Variants in BABAM2 observed in about 807,000 individuals in gnomAD.
BABAM2 encodes BRISC and BRCA1-A complex member 2.
A neutral mutation model predicts 54.7 loss-of-function variants in BABAM2; 31 were observed. That is an observed-to-expected ratio of 0.57 (90% CI 0.43 to 0.77). The LOEUF (loss-of-function observed/expected upper bound fraction) is 0.77, where lower values mean the gene tolerates loss of function less well. Ranked by LOEUF, BABAM2 falls within the 30% of genes least tolerant of loss-of-function variation. BABAM2 has a pLI of 0.00. For synonymous variants in BABAM2, 167 were observed against 162.9 expected, an observed-to-expected ratio of 1.03 and a Z score of -0.19; for missense variants, 364 against 455.8, an observed-to-expected ratio of 0.80 and a Z score of 1.83.
At position 28,097,985 on chromosome 2, in the gene BABAM2, C is replaced by T. The variant is rs1666767244; in HGVS notation, c.571-31286C>T. The stretch of plus-strand genomic sequence containing the variant: ...CATATCTTCTTTTAAAATAATTCTT[C>T]TTTTGTAACATTTTAAAATTTCGTA... On this transcript the variant is annotated intron_variant, in intron 6 of 11. Transcript: ENST00000379624. Among the ~76,000 whole-genome samples the T allele has an allele frequency of 3.3e-5, 5 of 152,210 alleles. No homozygotes were observed. In the South Asian group the frequency reaches 1.0e-3, roughly 32 times the overall value.
intron 2 of BABAM2, among the ~76,000 whole-genome samples, chr2:27,912,063 C>A (rs1386698701): frequency 2.0e-5 from 3 of 152,132 alleles, no homozygotes; most frequent in Non-Finnish European, 4.4e-5. Flanking sequence ...TTAGGAGATA[C>A]AAACATTGAA....
At chr2:28,197,062 G>C (rs1677668169) in intron 7 of BABAM2, among the ~76,000 whole-genome samples, 1 of 151,658 alleles carries the variant, frequency 6.6e-6, no homozygotes, top group East Asian at 1.9e-4. Flanking sequence ...TGTATGCCCA[G>C]GCTGGTCTCA....
intron 6 of BABAM2, among the ~76,000 whole-genome samples, chr2:28,121,462 A>G (rs1201004347): frequency 2.0e-5 from 3 of 152,146 alleles, no homozygotes; most frequent in Admixed American, 1.3e-4. Flanking sequence ...CATTCCTACC[A>G]TATTCCTACC....
intron 3 of BABAM2, among the ~76,000 whole-genome samples, chr2:27,955,720 T>C (rs919214474): frequency 1.3e-5 from 2 of 152,222 alleles, no homozygotes; most frequent in Non-Finnish European, 2.9e-5. Flanking sequence ...TCCCTTAACA[T>C]TGAGATTTTT....
In BABAM2 at chr2:28,026,959, A is replaced by AATATATATATATATAAAT. The variant is rs374899033; in HGVS notation, c.495+1550_495+1551insTATAAATATATATATATA. 2.3e-3 allele frequency among the ~76,000 whole-genome samples: 21 copies of AATATATATATATATAAAT among 9,302 alleles called. 1 individual carries two copies. Among genetic ancestry groups the AATATATATATATATAAAT allele is most frequent in the African/African-American group, 3.4e-3 (20 of 5,882 alleles). The allele number at this position is 9,302 out of a possible 152,430, so 6.1% of individuals were successfully genotyped here. A position where few individuals can be genotyped will look rare whatever the true frequency, so the allele number is the denominator to read the frequency against. On this transcript the variant is annotated intron_variant, in intron 5 of 11. Transcript: ENST00000379624. ...ATATAAATATATATTAATATATATA[A>AATATATATATATATAAAT]ATATATATATAAATATATAAATATA...
chr2:28,190,868 T>C (rs985355828), intron 7 of BABAM2, among the ~76,000 whole-genome samples: 2 of 152,156 alleles, frequency 1.3e-5, no homozygotes, highest in African/African-American at 4.8e-5. Flanking sequence ...GAAGAGAACA[T>C]AGGAAAATAA....
intron 11 of BABAM2, among the ~76,000 whole-genome samples, chr2:28,326,432 G>A (rs934169004): frequency 1.9e-4 from 29 of 152,076 alleles, no homozygotes; most frequent in African/African-American, 7.0e-4. Flanking sequence ...CAGGGCTGGG[G>A]CTCTTCTCTG....
At chr2:28,201,581 A>T in intron 7 of BABAM2, among the ~76,000 whole-genome samples, 1 of 151,968 alleles carries the variant, frequency 6.6e-6, no homozygotes, top group East Asian at 1.9e-4. Flanking sequence ...TCACCAGGAG[A>T]CCATTGTTAA....
chr2:28,237,914 G>A (rs1158328870), intron 8 of BABAM2, among the ~76,000 whole-genome samples: 14 of 151,944 alleles, frequency 9.2e-5, no homozygotes, highest in Non-Finnish European at 1.2e-4. Context: ...ATGTAGTGGC[G>A]CGATCTCGGC....
At chr2:28,004,273 G>C (rs922088351) in intron 4 of BABAM2, among the ~76,000 whole-genome samples, 1 of 152,160 alleles carries the variant, frequency 6.6e-6, no homozygotes, top group African/African-American at 2.4e-5. Flanking sequence ...GAAAACGCCA[G>C]CTCAGCCCTT....
chr2:27,987,610 T>A (rs1048451687), intron 3 of BABAM2, among the ~76,000 whole-genome samples: 1 of 151,788 alleles, frequency 6.6e-6, no homozygotes, highest in African/African-American at 2.4e-5. Context: ...AGCTCAGGAG[T>A]TCGAGACCAG....
At chr2:28,080,731 T>C (rs1216047126) in intron 6 of BABAM2, among the ~76,000 whole-genome samples, 1 of 152,218 alleles carries the variant, frequency 6.6e-6, no homozygotes, top group East Asian at 1.9e-4. Context: ...GGCATTCTCA[T>C]TTTAAGTAGC....
chr2:28,171,459 A>G (rs984982719), intron 7 of BABAM2, among the ~76,000 whole-genome samples: 2 of 152,210 alleles, frequency 1.3e-5, no homozygotes, highest in African/African-American at 4.8e-5. Context: ...CAAGGTTGCT[A>G]TGAAGAGAGG....
chr2:28,219,652 T>G (rs1680217653), intron 7 of BABAM2, among the ~76,000 whole-genome samples: 1 of 150,566 alleles, frequency 6.6e-6, no homozygotes, highest in African/African-American at 2.5e-5. Context: ...TCTTTCTGTT[T>G]AATCAGAAAA....
intron 7 of BABAM2, among the ~76,000 whole-genome samples, chr2:28,215,434 C>T (rs1679840679): frequency 6.6e-6 from 1 of 152,156 alleles, no homozygotes. Context: ...GTTGATGCAG[C>T]ACTGATATGT....
chr2:28,193,940 G>GTGCA (rs1677216434), intron 7 of BABAM2, among the ~76,000 whole-genome samples: 1 of 152,166 alleles, frequency 6.6e-6, no homozygotes, highest in Non-Finnish European at 1.5e-5. Flanking sequence ...GGAGGCTGTG[G>GTGCA]TGCAGTTTGA....
At chr2:28,259,422 A>G (rs565839007) in intron 10 of BABAM2, among the ~76,000 whole-genome samples, 126 of 152,214 alleles carry the variant, frequency 8.3e-4, no homozygotes, top group African/African-American at 2.8e-3. Flanking sequence ...AGGTCTTGCT[A>G]TGCTGCCCAG....
chr2:28,077,759 A>G (rs867187014), intron 6 of BABAM2, among the ~76,000 whole-genome samples: 4 of 152,288 alleles, frequency 2.6e-5, no homozygotes, highest in Middle Eastern at 3.4e-3. Flanking sequence ...CAAAAACACT[A>G]TATCATGTTA....
At chr2:28,017,202 G>A (rs1442316510) in intron 4 of BABAM2, among the ~76,000 whole-genome samples, 3 of 152,092 alleles carry the variant, frequency 2.0e-5, no homozygotes, top group Non-Finnish European at 2.9e-5. Context: ...CAAAATGTAC[G>A]GTGTAAACAC....
Sources: gnomAD v4.1 joint callset for allele counts (sites outside exome capture counted in the v4.1 genomes callset) on GRCh38, gnomAD v4.1.1 for gene constraint, MANE v1.5 for transcripts, NCBI Gene and HGNC (gene_info 2026-07-23, HGNC 2026-07-21) for gene names.